The following RBFOX1 variants were observed in gnomAD, a reference collection of about 807,000 sequenced individuals.
The protein encoded by RBFOX1 is RNA binding protein fox-1 homolog 1.
A neutral mutation model predicts 57.7 loss-of-function variants in RBFOX1; 8 were observed. The observed-to-expected ratio is 0.14, with a 90% CI of 0.08 to 0.25. The LOEUF (loss-of-function observed/expected upper bound fraction) is 0.25. RBFOX1 is among the 10% of genes least tolerant of loss of function. The pLI is 1.00. For missense variants in RBFOX1, 611 were observed against 548.5 expected (o/e 1.11, Z -1.14); for synonymous variants, 326 against 222.4 (o/e 1.47, Z -4.15).
chr16:6,399,183 G>A (rs2092964386), intron 2 of RBFOX1, among the ~76,000 whole-genome samples: 1 of 152,198 alleles, frequency 6.6e-6, no homozygotes, highest in Non-Finnish European at 1.5e-5. Flanking sequence ...AGGGGACCAT[G>A]TCCCGAGGCA....
chr16:5,805,707 T>C (rs1325561863), intron 3 of RBFOX1, among the ~76,000 whole-genome samples: 3 of 152,098 alleles, frequency 2.0e-5, no homozygotes, highest in African/African-American at 7.2e-5. Context: ...ATAGGAAGGG[T>C]TGCCTGACAT....
At chr16:6,025,180 C>G (rs983907471) in intron 1 of RBFOX1, among the ~76,000 whole-genome samples, 7 of 152,174 alleles carry the variant, frequency 4.6e-5, no homozygotes, top group African/African-American at 1.7e-4. Flanking sequence ...GCATGCCTTC[C>G]TGGCCGGCCG....
chr16:7,087,355 G>A (rs2060147747), intron 4 of RBFOX1, among the ~76,000 whole-genome samples: 1 of 152,122 alleles, frequency 6.6e-6, no homozygotes, highest in Non-Finnish European at 1.5e-5. Context: ...TCAGGAAATG[G>A]TGTAGTGCCT....
intron 2 of RBFOX1, among the ~76,000 whole-genome samples, chr16:6,545,130 C>T (rs922606950): frequency 6.6e-6 from 1 of 152,134 alleles, no homozygotes; most frequent in African/African-American, 2.4e-5. Flanking sequence ...AATCCGCGTA[C>T]TTTTTCCCTA....
At chr16:7,674,484 G>A (rs1433435547) in intron 13 of RBFOX1, among the ~76,000 whole-genome samples, 3 of 152,144 alleles carry the variant, frequency 2.0e-5, no homozygotes, top group Non-Finnish European at 2.9e-5. Context: ...ACTGATCAAG[G>A]TTTAAAATCT....
chr16:5,817,622 G>T (rs931015011), intron 3 of RBFOX1, among the ~76,000 whole-genome samples: 2 of 151,904 alleles, frequency 1.3e-5, no homozygotes, highest in Non-Finnish European at 2.9e-5. Context: ...AAAGGAGAGG[G>T]GAGAGAGAAA....
chr16:5,847,419 T>C (rs1378560349), intron 3 of RBFOX1, among the ~76,000 whole-genome samples: 1 of 152,018 alleles, frequency 6.6e-6, no homozygotes, highest in African/African-American at 2.4e-5. Context: ...AGGATTAAAA[T>C]GTGTGCACAG....
intron 4 of RBFOX1, among the ~76,000 whole-genome samples, chr16:7,206,188 C>G (rs1214297383): frequency 1.3e-5 from 2 of 152,156 alleles, no homozygotes; most frequent in Non-Finnish European, 2.9e-5. Context: ...GAAACAGACT[C>G]ATAACCTTTC....
Position 7,080,188 on chromosome 16 carries a change from A to G in RBFOX1, c.27+28090A>G, listed in dbSNP as rs555345539. Among the ~76,000 whole-genome samples the G allele has an allele frequency of 6.6e-5, 10 of 151,892 alleles. No homozygotes were observed. The South Asian group carries it at 2.1e-3, about 32-fold the overall frequency. On this transcript the variant is annotated intron_variant, in intron 4 of 15. Transcript: ENST00000550418. ...AAAGTAAAAGTAAATAAAATGTCCCATTCCCATTTGTTTTTGGGAGTCACA... is the reference window on the plus strand; with the variant it reads ...AAAGTAAAAGTAAATAAAATGTCCCGTTCCCATTTGTTTTTGGGAGTCACA...
chr16:7,459,361 G>C (rs2059132145), intron 4 of RBFOX1, among the ~76,000 whole-genome samples: 1 of 152,182 alleles, frequency 6.6e-6, no homozygotes, highest in African/African-American at 2.4e-5. Flanking sequence ...CCTTGCACTT[G>C]CCATTTTGTA....
intron 3 of RBFOX1, among the ~76,000 whole-genome samples, chr16:6,718,660 C>G (rs1426723678): frequency 2.0e-5 from 3 of 152,012 alleles, no homozygotes; most frequent in East Asian, 3.9e-4. Flanking sequence ...ACGGACTTCC[C>G]CCTTGCTGTT....
At chr16:6,029,752 G>T (rs1361747162) in intron 1 of RBFOX1, among the ~76,000 whole-genome samples, 2 of 116,852 alleles carry the variant, frequency 1.7e-5, no homozygotes, top group African/African-American at 3.3e-5. Flanking sequence ...CAGCCTGGGC[G>T]ACAGATCGAG....
intron 4 of RBFOX1, among the ~76,000 whole-genome samples, chr16:5,980,073 C>T (rs1026025954): frequency 6.6e-6 from 1 of 152,228 alleles, no homozygotes; most frequent in Non-Finnish European, 1.5e-5. Context: ...CCTCCTCCCT[C>T]TCTCTAGGAA....
intron 4 of RBFOX1, among the ~76,000 whole-genome samples, chr16:7,497,337 A>C (rs1465956792): frequency 4.0e-5 from 6 of 151,864 alleles, no homozygotes; most frequent in Non-Finnish European, 8.8e-5. Context: ...TCTTCCTTGA[A>C]TTTGCACCTA....
chr16:7,109,861 G>C (rs1438426796), intron 4 of RBFOX1, among the ~76,000 whole-genome samples: 1 of 152,130 alleles, frequency 6.6e-6, no homozygotes, highest in Admixed American at 6.6e-5. Context: ...CTAGGACCAG[G>C]TCACTAGCAT....
chr16:7,586,109 C>T (rs1285018983), intron 6 of RBFOX1, among the ~76,000 whole-genome samples: 1 of 152,162 alleles, frequency 6.6e-6, no homozygotes, highest in Non-Finnish European at 1.5e-5. Flanking sequence ...ATTTATGTTG[C>T]CCTGTTTAAT....
At chr16:6,510,176 C>G (rs1303789615) in intron 2 of RBFOX1, among the ~76,000 whole-genome samples, 3 of 152,146 alleles carry the variant, frequency 2.0e-5, no homozygotes, top group African/African-American at 4.8e-5. Context: ...TGTATGCTCT[C>G]TTCCTCATTA....
chr16:7,478,559 G>A (rs1344543675), intron 4 of RBFOX1, among the ~76,000 whole-genome samples: 1 of 152,204 alleles, frequency 6.6e-6, no homozygotes, highest in Non-Finnish European at 1.5e-5. Context: ...GGTCCTTGAT[G>A]CTGGGCATTG....
chr16:6,361,849 A>T (rs2088607008), intron 2 of RBFOX1, among the ~76,000 whole-genome samples: 1 of 152,138 alleles, frequency 6.6e-6, no homozygotes, highest in Admixed American at 6.5e-5. Flanking sequence ...GGGAAGGAAA[A>T]GGAATACAGG....
Sources: allele counts gnomAD v4.1 joint callset (sites outside exome capture counted in the v4.1 genomes callset), GRCh38; gene constraint gnomAD v4.1.1; transcripts MANE v1.5; gene names NCBI Gene and HGNC (gene_info 2026-07-23, HGNC 2026-07-21).